PLB1: variants seen among roughly 807,000 people sequenced by gnomAD.
PLB1 encodes phospholipase B1.
Under a neutral mutation model 227.4 loss-of-function variants are expected in PLB1, and 242 were observed. The observed-to-expected ratio is 1.06, with a 90% confidence interval of 0.96 to 1.18. PLB1 has a LOEUF of 1.18. PLB1 is among the 50% of genes most tolerant of loss of function. The probability of loss-of-function intolerance (pLI) is 0.00; values close to 1 mark genes in which losing one functional copy is unlikely to be tolerated. For synonymous variants in PLB1, 757 were observed against 682.2 expected (o/e 1.11, Z -1.71); for missense variants, 1,858 against 1,816.3 (o/e 1.02, Z -0.42).
chr2:28,616,376 TAA>T lies in PLB1; in HGVS notation c.3196-1348_3196-1347del, dbSNP rs1337881759. Among the ~76,000 whole-genome samples the T allele has an allele frequency of 2.0e-5, 3 of 152,316 alleles. No homozygotes were observed. In the East Asian group the frequency reaches 5.8e-4, roughly 29 times the overall value. On this transcript the variant is annotated intron_variant, in intron 44 of 57. Coordinates refer to ENST00000327757, the MANE Select transcript of PLB1 (RefSeq NM_153021.5). The stretch of plus-strand genomic sequence containing the variant: ...CACTTAATATGTCAATTAAAAATAA[TAA>T]AAGCAAAACTAATAAAGTGGCCACA...
At chr2:28,573,905 C>G (rs747329018) in intron 21 of PLB1, among the ~76,000 whole-genome samples, 8 of 152,234 alleles carry the variant, frequency 5.3e-5, no homozygotes, top group Non-Finnish European at 8.8e-5. Context: ...ACACGTTGGT[C>G]AAAATGGTGG....
chr2:28,529,157 C>T (rs1670674528), intron 6 of PLB1, among the ~76,000 whole-genome samples, 160 bp from the exon 7 acceptor site: 1 of 151,892 alleles, frequency 6.6e-6, no homozygotes, highest in Non-Finnish European at 1.5e-5. Context: ...GTTGCCCTGC[C>T]TGGTCTCAAA....
At chr2:28,557,759 T>G (rs900982666) in intron 17 of PLB1, among the ~76,000 whole-genome samples, 7 of 152,192 alleles carry the variant, frequency 4.6e-5, no homozygotes, top group African/African-American at 1.7e-4. Flanking sequence ...CCACACAAAT[T>G]TAATCTTATC....
intron 16 of PLB1, 28 bp from the exon 17 acceptor site, chr2:28,552,900 C>T (rs1047422623): frequency 1.9e-6 from 3 of 1,605,688 alleles, no homozygotes; most frequent in African/African-American, 1.3e-5. Flanking sequence ...AATCCATTTT[C>T]CTTATTTCCC....
chr2:28,541,726 T>G lies in PLB1; in HGVS notation c.794T>G (p.Leu265Arg), dbSNP rs1354338708. ...WSYQEAWNSL[L>R]ASSRYSEQES... Reference sequence around the variant, plus strand: ...CTCCAGGAAGCCTGGAACAGCCTCCTGGCCTCCAGCAGGTACAGTGAGCAG... The same window carrying G: ...CTCCAGGAAGCCTGGAACAGCCTCCGGGCCTCCAGCAGGTACAGTGAGCAG... Residue 265 changes from leucine (L) to arginine (R), a missense_variant, in exon 13 of 58, where the codon CTG (leucine) becomes CGG (arginine). Leu to Arg is a moderately radical substitution (Grantham distance 102). Transcript: ENST00000327757. The G allele has an allele frequency of 6.2e-7, 1 of 1,614,004 alleles. No individual in the cohort carries two copies. The highest frequency in any genetic ancestry group is 8.5e-7 in the Non-Finnish European group (1 of 1,179,978).
intron 41 of PLB1, among the ~76,000 whole-genome samples, 199 bp downstream of exon 41, chr2:28,604,958 T>C (rs530814266): frequency 1.3e-5 from 2 of 152,332 alleles, no homozygotes; most frequent in African/African-American, 4.8e-5. Flanking sequence ...ACAGCCTCCA[T>C]TGTGTTGAGC....
At chr2:28,584,254 T>C (rs1680537795) in intron 25 of PLB1, among the ~76,000 whole-genome samples, 2 of 152,212 alleles carry the variant, frequency 1.3e-5, no homozygotes, top group South Asian at 4.1e-4. Context: ...AGTTAAGGGG[T>C]ACCTTTCCTG....
rs10618292 is a variant in PLB1 at position 28,559,740 on chromosome 2, CTTTTTTTTTTTTTTTTT to C, written c.1148-3288_1148-3272del. 2.9e-4 allele frequency among the ~76,000 whole-genome samples: 19 copies of C among 66,244 alleles called. 2 individuals carry two copies. The highest frequency in any genetic ancestry group is 8.7e-4 in the African/African-American group (13 of 14,934). The allele number at this position is 66,244 out of a possible 152,430, so 43.5% of individuals were successfully genotyped here. On this transcript the variant is annotated intron_variant, in intron 17 of 57. Transcript: ENST00000327757. ...CTGTGTTTCACTGCAGGCCTGAAAG[CTTTTTTTTTTTTTTTTT>C]TTTTTTTTTTTTGAGACGGAGTCTC... is the stretch of plus-strand genomic sequence containing the variant.
chr2:28,549,344 G>A (rs1368161637), intron 15 of PLB1, among the ~76,000 whole-genome samples: 1 of 150,706 alleles, frequency 6.6e-6, no homozygotes, highest in Non-Finnish European at 1.5e-5. Flanking sequence ...GTATGTAGTA[G>A]GCTTATAATT....
At chr2:28,585,611 G>A (rs973215157) in intron 25 of PLB1, 150 bp from the exon 26 acceptor site, 21 of 665,580 alleles carry the variant, frequency 3.2e-5, no homozygotes, top group Non-Finnish European at 4.5e-5. Flanking sequence ...GGTATGGTCA[G>A]CAGGTCAGCC....
chr2:28,503,164 T>A (rs187015060), intron 1 of PLB1, among the ~76,000 whole-genome samples: 10 of 152,276 alleles, frequency 6.6e-5, no homozygotes, highest in South Asian at 4.1e-4. Context: ...TTTTATTTTT[T>A]ATTTTTTGAG....
At chr2:28,508,835 T>C (rs12478824) in intron 1 of PLB1, among the ~76,000 whole-genome samples, 33,258 of 152,140 alleles carry the variant, frequency 0.22, 4,150 homozygotes, top group South Asian at 0.36. Context: ...AGTGAGAGCA[T>C]TACAACTTTT....
intron 21 of PLB1, among the ~76,000 whole-genome samples, chr2:28,574,569 T>C (rs893892470): frequency 2.9e-5 from 3 of 102,612 alleles, no homozygotes; most frequent in African/African-American, 1.3e-4. Context: ...TTTTTTTTTT[T>C]TTTTTTTGGT....
chr2:28,526,024 A>G, intron 6 of PLB1, 79 bp downstream of exon 6: 1 of 1,512,064 alleles, frequency 6.6e-7, no homozygotes, highest in Non-Finnish European at 9.1e-7. Flanking sequence ...TAATAAAGAG[A>G]ATGGACACCA....
intron 33 of PLB1, chr2:28,595,291 A>C (rs1157508904): frequency 6.6e-6 from 1 of 152,094 alleles, no homozygotes; most frequent in Non-Finnish European, 1.5e-5. Context: ...TAAACCCTTC[A>C]TTTGTCCTAA....
chr2:28,632,565 A>G (rs1007238019), intron 55 of PLB1, among the ~76,000 whole-genome samples: 1 of 152,014 alleles, frequency 6.6e-6, no homozygotes, highest in Non-Finnish European at 1.5e-5. Context: ...AAGGCGGTTG[A>G]ATCACGAGGT....
chr2:28,501,836 T>C (rs897859220), intron 1 of PLB1, among the ~76,000 whole-genome samples: 8 of 152,316 alleles, frequency 5.3e-5, no homozygotes, highest in African/African-American at 1.9e-4. Context: ...AATATTCCAG[T>C]ATGTACCATA....
intron 21 of PLB1, among the ~76,000 whole-genome samples, chr2:28,575,678 C>G (rs1356595350): frequency 6.6e-6 from 1 of 152,198 alleles, no homozygotes; most frequent in Non-Finnish European, 1.5e-5. Context: ...TCAAGCGATT[C>G]TCCTGCCTCA....
At chr2:28,525,985 T>G in intron 6 of PLB1, 40 bp downstream of exon 6, 1 of 1,611,478 alleles carries the variant, frequency 6.2e-7, no homozygotes, top group Non-Finnish European at 8.5e-7. Flanking sequence ...AGAGTGCCCC[T>G]CTCCTTCCCA....
Sources: gnomAD v4.1 joint callset for allele counts (sites outside exome capture counted in the v4.1 genomes callset) on GRCh38, gnomAD v4.1.1 for gene constraint, MANE v1.5 for transcripts, NCBI Gene and HGNC (gene_info 2026-07-23, HGNC 2026-07-21) for gene names.